Variants in MDFIC2 observed in about 807,000 individuals in gnomAD.
The protein encoded by MDFIC2 is myoD family inhibitor domain-containing protein 2.
At chr3:70,235,306 A>T (rs1048640963) in intron 2 of MDFIC2, among the ~76,000 whole-genome samples, 28 of 152,002 alleles carry the variant, frequency 1.8e-4, no homozygotes, top group Admixed American at 3.9e-4. Context: ...GAGACTATAA[A>T]TCCTTTGTGC....
At chr3:70,230,371 C>G (rs536721117) in intron 2 of MDFIC2, among the ~76,000 whole-genome samples, 1 of 152,240 alleles carries the variant, frequency 6.6e-6, no homozygotes, top group South Asian at 2.1e-4. Flanking sequence ...ACCAGGATAT[C>G]CTTTCATAAA....
At chr3:70,296,134 A>C (rs187171684) in intron 2 of MDFIC2, among the ~76,000 whole-genome samples, 78 of 152,298 alleles carry the variant, frequency 5.1e-4, no homozygotes, top group Non-Finnish European at 8.8e-4. Context: ...CTTTTTTATC[A>C]GTACATTTTC....
chr3:70,283,061 A>G (rs1315742864), intron 2 of MDFIC2, among the ~76,000 whole-genome samples: 1 of 152,142 alleles, frequency 6.6e-6, no homozygotes, highest in Admixed American at 6.6e-5. Context: ...TGACTCAGGA[A>G]CCTCAGTATG....
intron 2 of MDFIC2, among the ~76,000 whole-genome samples, chr3:70,307,936 C>T (rs1439691419): frequency 6.6e-6 from 1 of 152,196 alleles, no homozygotes; most frequent in African/African-American, 2.4e-5. Flanking sequence ...TGCCTTTGCT[C>T]CCTGCATCAC....
chr3:70,307,655 C>T (rs1702415274), intron 2 of MDFIC2, among the ~76,000 whole-genome samples: 1 of 152,124 alleles, frequency 6.6e-6, no homozygotes, highest in Admixed American at 6.5e-5. Context: ...TTAGCCGTCA[C>T]CACCCCCTTC....
intron 2 of MDFIC2, chr3:70,283,818 C>A (rs1702113110): frequency 6.6e-6 from 1 of 151,022 alleles, no homozygotes. Flanking sequence ...GCAAATATGG[C>A]CAAATGTTAA....
intron 2 of MDFIC2, among the ~76,000 whole-genome samples, chr3:70,211,664 T>A (rs1365888216): frequency 9.1e-6 from 1 of 109,724 alleles, no homozygotes; most frequent in Non-Finnish European, 2.0e-5. Flanking sequence ...TTCCCTTCCC[T>A]TTCCCTTCCC....
chr3:70,271,811 T>G (rs539689457), intron 2 of MDFIC2: 1 of 152,282 alleles, frequency 6.6e-6, no homozygotes, highest in Non-Finnish European at 1.5e-5. Flanking sequence ...TCACCTAAGC[T>G]GGAGTGGAAT....
At chr3:70,277,689 G>A (rs977326845) in intron 2 of MDFIC2, among the ~76,000 whole-genome samples, 5 of 152,084 alleles carry the variant, frequency 3.3e-5, no homozygotes, top group Admixed American at 6.6e-5. Flanking sequence ...ACCACCTCCC[G>A]AGCTTCAGGG....
intron 2 of MDFIC2, among the ~76,000 whole-genome samples, chr3:70,214,156 C>A (rs1193661220): frequency 1.3e-5 from 2 of 151,894 alleles, no homozygotes; most frequent in African/African-American, 2.4e-5. Flanking sequence ...TAAGACAAAA[C>A]CTTGGGTTCA....
chr3:70,301,806 C>A (rs774118455), intron 2 of MDFIC2, among the ~76,000 whole-genome samples: 23 of 152,000 alleles, frequency 1.5e-4, no homozygotes, highest in Non-Finnish European at 3.2e-4. Context: ...TAAATATTAG[C>A]AGATATATTT....
chr3:70,268,871 T>G (rs1482979535), intron 2 of MDFIC2, among the ~76,000 whole-genome samples: 6 of 152,204 alleles, frequency 3.9e-5, no homozygotes, highest in Non-Finnish European at 8.8e-5. Context: ...TCTCAGTTTA[T>G]GAGGATTATT....
chr3:70,254,546 A>G (rs901062028), intron 2 of MDFIC2, among the ~76,000 whole-genome samples: 1 of 152,202 alleles, frequency 6.6e-6, no homozygotes, highest in African/African-American at 2.4e-5. Flanking sequence ...GGAACAATAA[A>G]TACAAATCTA....
chr3:70,212,062 C>T (rs532781697), intron 2 of MDFIC2, among the ~76,000 whole-genome samples: 20 of 152,132 alleles, frequency 1.3e-4, no homozygotes, highest in Admixed American at 4.6e-4. Context: ...CCTTGAAGGC[C>T]GTATTTGTCC....
chr3:70,211,494 TTCCCTTCCCTTTGCCCTTCCCTTC>T (rs1701347207), intron 2 of MDFIC2, among the ~76,000 whole-genome samples: 1 of 98,702 alleles, frequency 1.0e-5, no homozygotes, highest in Non-Finnish European at 2.3e-5. Context: ...TTCCCTTCCC[TTCCCTTCCCTTTGCCCTTCCCTTC>T]CCTTCCCTTC....
At chr3:70,296,735 C>T (rs1445239164) in intron 2 of MDFIC2, among the ~76,000 whole-genome samples, 2 of 152,080 alleles carry the variant, frequency 1.3e-5, no homozygotes, top group South Asian at 2.1e-4. Flanking sequence ...AGTGTCATTC[C>T]TTTAACTCCT....
At chr3:70,289,236 C>A (rs1702201798) in intron 2 of MDFIC2, among the ~76,000 whole-genome samples, 1 of 149,792 alleles carries the variant, frequency 6.7e-6, no homozygotes, top group African/African-American at 2.5e-5. Flanking sequence ...CCTTCAGGAG[C>A]TCTTTTAGGG....
rs1398514017 is a variant in MDFIC2, at chr3:70,210,837, C to A, written c.89-4047G>T. ...TTTGGGCTACAGGTAATTGCAAGAA[C>A]AAATGGACATAAACTTAAGTCAGAG... On this transcript the variant is annotated intron_variant, in intron 2 of 3. Coordinates refer to ENST00000567252, the MANE Select transcript of MDFIC2 (RefSeq NM_001364677.1). 2.6e-5 allele frequency among the ~76,000 whole-genome samples: 4 copies of A among 151,926 alleles called. No individual in the cohort carries two copies. The South Asian group carries it at 6.3e-4, about 24-fold the overall frequency.
At chr3:70,306,834 A>G (rs933719464) in intron 2 of MDFIC2, among the ~76,000 whole-genome samples, 1 of 152,160 alleles carries the variant, frequency 6.6e-6, no homozygotes, top group African/African-American at 2.4e-5. Context: ...CAATACTCTT[A>G]GCTTCACATT....
Sources: gnomAD v4.1 joint callset for allele counts (sites outside exome capture counted in the v4.1 genomes callset) on GRCh38, gnomAD v4.1.1 for gene constraint, MANE v1.5 for transcripts, NCBI Gene and HGNC (gene_info 2026-07-23, HGNC 2026-07-21) for gene names.